The following DGKI variants were observed in gnomAD, a reference collection of about 807,000 sequenced individuals.
DGKI encodes diacylglycerol kinase iota, also known as DAG kinase iota.
DGKI carries 55 observed loss-of-function variants against 147.5 expected under a neutral mutation model. The ratio of observed to expected loss-of-function variants is 0.37; its 90% confidence interval spans 0.30 to 0.47. DGKI has a LOEUF of 0.47. Ranked by LOEUF, DGKI falls within the 20% of genes least tolerant of loss-of-function variation. DGKI has a pLI of 1.00. For missense variants in DGKI, 1,007 were observed against 1,323.8 expected (o/e 0.76, Z 3.71); for synonymous variants, 469 against 477.1 (o/e 0.98, Z 0.22).
At chr7:137,698,820 G>A (rs1367184903) in intron 1 of DGKI, among the ~76,000 whole-genome samples, 4 of 152,166 alleles carry the variant, frequency 2.6e-5, no homozygotes, top group African/African-American at 9.7e-5. Context: ...CAAGACTGGA[G>A]CCCAGATGTC....
At chr7:137,663,596 G>A (rs4296990) in intron 3 of DGKI, among the ~76,000 whole-genome samples, 4 of 152,142 alleles carry the variant, frequency 2.6e-5, no homozygotes, top group Admixed American at 2.6e-4. Context: ...CAGGGCTGGT[G>A]GTTGAGTGTG....
chr7:137,841,114 TC>T (rs1323095439), intron 1 of DGKI, among the ~76,000 whole-genome samples: 1 of 152,182 alleles, frequency 6.6e-6, no homozygotes, highest in Non-Finnish European at 1.5e-5. Context: ...CTAGTCTAAG[TC>T]CCAGACCAGA....
chr7:137,435,056 A>G (rs985159338), intron 28 of DGKI, among the ~76,000 whole-genome samples: 8 of 152,194 alleles, frequency 5.3e-5, no homozygotes, highest in African/African-American at 1.9e-4. Context: ...ACAACAGGGA[A>G]GAATATTAAT....
intron 30 of DGKI, among the ~76,000 whole-genome samples, chr7:137,407,432 CAG>C (rs1157850712): frequency 6.6e-6 from 1 of 150,920 alleles, no homozygotes; most frequent in Non-Finnish European, 1.5e-5. Context: ...TGAGATCAAA[CAG>C]AAAAAAAAAT....
chr7:137,469,665 G>C, intron 23 of DGKI, 46 bp from the exon 24 acceptor site: 1 of 1,563,296 alleles, frequency 6.4e-7, no homozygotes, highest in Non-Finnish European at 8.8e-7. Context: ...TCAATAACCT[G>C]ATGGGCTTCC....
At chr7:137,819,372 C>T (rs1199263649) in intron 1 of DGKI, among the ~76,000 whole-genome samples, 9 of 149,752 alleles carry the variant, frequency 6.0e-5, no homozygotes, top group African/African-American at 1.7e-4. Context: ...AGTGCAGTGG[C>T]GCCATCTCGG....
chr7:137,794,152 T>C (rs559716813), intron 1 of DGKI, among the ~76,000 whole-genome samples: 15 of 152,334 alleles, frequency 9.8e-5, no homozygotes, highest in Middle Eastern at 3.4e-3. Context: ...CTGCACATAA[T>C]AAATAATTCC....
chr7:137,432,351 T>G (rs2128911901), intron 28 of DGKI, among the ~76,000 whole-genome samples: 1 of 152,294 alleles, frequency 6.6e-6, no homozygotes. Flanking sequence ...ACAATAGGCT[T>G]TAATCATCCC....
intron 1 of DGKI, among the ~76,000 whole-genome samples, chr7:137,707,365 T>G (rs1794071113): frequency 6.6e-6 from 1 of 152,248 alleles, no homozygotes; most frequent in African/African-American, 2.4e-5. Flanking sequence ...TGTCTTGGAC[T>G]GATGGTAGCT....
At chr7:137,645,680 T>C in intron 5 of DGKI, 143 bp from the exon 6 acceptor site, 1 of 645,834 alleles carries the variant, frequency 1.5e-6, no homozygotes, top group Non-Finnish European at 2.5e-6. Flanking sequence ...AATTCACCCA[T>C]CTCAGCCTCC....
chr7:137,637,100 T>C (rs1232996708), intron 6 of DGKI, among the ~76,000 whole-genome samples: 1 of 152,188 alleles, frequency 6.6e-6, no homozygotes, highest in Non-Finnish European at 1.5e-5. Context: ...CAAGGTCAAG[T>C]CCGGGTAACT....
chr7:137,626,708 G>C (rs925367773), intron 6 of DGKI, among the ~76,000 whole-genome samples: 1 of 152,136 alleles, frequency 6.6e-6, no homozygotes, highest in Non-Finnish European at 1.5e-5. Flanking sequence ...GCAGAAGCCG[G>C]GGTGAGACCC....
chr7:137,813,589 T>C (rs1254113007), intron 1 of DGKI, among the ~76,000 whole-genome samples: 1 of 152,212 alleles, frequency 6.6e-6, no homozygotes, highest in Non-Finnish European at 1.5e-5. Context: ...GAAACTGATG[T>C]CAACTCCTTC....
intron 6 of DGKI, among the ~76,000 whole-genome samples, chr7:137,630,993 TGA>T (rs1563121235): frequency 1.1e-4 from 16 of 152,048 alleles, no homozygotes; most frequent in African/African-American, 3.9e-4. Flanking sequence ...GGGTTTTTTT[TGA>T]AAAAAAGACT....
intron 3 of DGKI, among the ~76,000 whole-genome samples, chr7:137,660,629 G>A (rs1822391207): frequency 6.6e-6 from 1 of 152,108 alleles, no homozygotes; most frequent in Non-Finnish European, 1.5e-5. Context: ...GATTAATATT[G>A]AATCCTATCC....
intron 1 of DGKI, among the ~76,000 whole-genome samples, chr7:137,751,308 C>T (rs2116757683): frequency 6.6e-6 from 1 of 152,296 alleles, no homozygotes; most frequent in African/African-American, 2.4e-5. Context: ...TGTATATTGT[C>T]TATAGCCACT....
chr7:137,594,859 A>G (rs1157535604), intron 12 of DGKI, among the ~76,000 whole-genome samples: 2 of 152,260 alleles, frequency 1.3e-5, no homozygotes, highest in Non-Finnish European at 2.9e-5. Context: ...AGGTAAATTA[A>G]ATAAAACTTG....
At chr7:137,706,499 T>TATTTTATTTC (rs1794030040) in intron 1 of DGKI, among the ~76,000 whole-genome samples, 1 of 149,062 alleles carries the variant, frequency 6.7e-6, no homozygotes, top group East Asian at 1.9e-4. Flanking sequence ...TATTTTATTT[T>TATTTTATTTC]ATTTTATTTT....
Position 137,548,709 on chromosome 7 carries a change from T to C in DGKI, c.2147+3660A>G, listed in dbSNP as rs202018749. 3.8e-4 allele frequency among the ~76,000 whole-genome samples: 58 copies of C among 152,326 alleles called. No individual in the cohort carries two copies. The East Asian group carries it at 0.01, about 26-fold the overall frequency. On this transcript the variant is annotated intron_variant, in intron 20 of 32. Transcript: ENST00000614521. ...TTAGCTGGGCACAGTGACTCACGCC[T>C]GTAATCCCAGCACTTTGGGAGGCTG...
Sources: gnomAD v4.1 joint callset for allele counts (sites outside exome capture counted in the v4.1 genomes callset) on GRCh38, gnomAD v4.1.1 for gene constraint, MANE v1.5 for transcripts, NCBI Gene and HGNC (gene_info 2026-07-23, HGNC 2026-07-21) for gene names.